The following WNT9B variants were observed in gnomAD, a reference collection of about 807,000 sequenced individuals.
The protein encoded by WNT9B is Wnt family member 9B.
In WNT9B, 12 loss-of-function variants were observed where a neutral mutation model predicts 30.2. That is an observed-to-expected ratio of 0.40 (90% CI 0.26 to 0.64). The LOEUF (loss-of-function observed/expected upper bound fraction) is 0.64, where lower values mean the gene tolerates loss of function less well. WNT9B is among the 30% of genes least tolerant of loss of function. WNT9B has a pLI of 0.42. For missense variants in WNT9B, 442 were observed against 485.2 expected (o/e 0.91, Z 0.84); for synonymous variants, 218 against 216.9 (o/e 1.01, Z -0.05).
At position 46,845,705 on chromosome 17, in the gene WNT9B, C is replaced by G. The variant is rs1397613402; in HGVS notation, c.95+12265C>G. On this transcript the variant is annotated intron_variant, in intron 1 of 2. Coordinates refer to the WNT9B transcript ENST00000575372. The stretch of plus-strand genomic sequence containing the variant: ...GGGTTTCACCATCTTGGCCAGGCTG[C>G]TCTCAAACTCCTGACCTTGTGATCC... Among the ~76,000 whole-genome samples, 6 of 151,002 alleles carry G rather than the reference C, an allele frequency of 4.0e-5. No individual in the cohort carries two copies. The East Asian group carries it at 1.2e-3, about 29-fold the overall frequency.
intron 1 of WNT9B, among the ~76,000 whole-genome samples, chr17:46,842,928 T>C (rs912725943): frequency 1.3e-5 from 2 of 152,236 alleles, no homozygotes; most frequent in African/African-American, 2.4e-5. Context: ...ATCCATTTTA[T>C]GGATGAAGAA....
upstream of WNT9B, among the ~76,000 whole-genome samples, chr17:46,849,796 C>A (rs1211614606): frequency 1.3e-5 from 2 of 152,000 alleles, no homozygotes; most frequent in Non-Finnish European, 2.9e-5. Flanking sequence ...GTCCTGCCTG[C>A]AGGTATAACG....
intron 1 of WNT9B, among the ~76,000 whole-genome samples, chr17:46,867,384 A>G (rs1038584983): frequency 1.3e-5 from 2 of 152,244 alleles, no homozygotes; most frequent in Non-Finnish European, 2.9e-5. Flanking sequence ...GGCTCCAGCC[A>G]TCCCCTCTCA....
chr17:46,865,541 G>T (rs1376903071), intron 1 of WNT9B, among the ~76,000 whole-genome samples: 2 of 152,172 alleles, frequency 1.3e-5, no homozygotes, highest in Non-Finnish European at 2.9e-5. Context: ...AGGAGTAGGG[G>T]TTGGGGAGCC....
At chr17:46,848,926 G>T (rs1333641159), upstream of WNT9B, among the ~76,000 whole-genome samples, 8 of 134,278 alleles carry the variant, frequency 6.0e-5, no homozygotes, top group Admixed American at 3.9e-4. Flanking sequence ...GCACATGTGT[G>T]CACGTGCACA....
At position 46,877,333 on chromosome 17, in the gene WNT9B, T is replaced by C. The variant is rs1011827907; in HGVS notation, c.*615T>C. Among the ~76,000 whole-genome samples, 2 of 152,182 alleles carry C rather than the reference T, an allele frequency of 1.3e-5. No individual in the cohort carries two copies. The highest frequency in any genetic ancestry group is 1.9e-4 in the East Asian group (1 of 5,192). On this transcript the variant is annotated 3_prime_UTR_variant, in exon 4 of 4. Transcript: ENST00000290015. ...GAAAGGAGAGCTTTCTGTGCTTGAG[T>C]GGACCCGAGTGAGATCTGTGCCCTG...
chr17:46,856,919 C>T (rs1414813671), intron 1 of WNT9B, among the ~76,000 whole-genome samples: 1 of 152,152 alleles, frequency 6.6e-6, no homozygotes, highest in Non-Finnish European at 1.5e-5. Flanking sequence ...TTGCAATCAA[C>T]CCTCTCCCAC....
chr17:46,841,363 G>C (rs756137401), intron 1 of WNT9B, among the ~76,000 whole-genome samples: 1 of 152,212 alleles, frequency 6.6e-6, no homozygotes, highest in Non-Finnish European at 1.5e-5. Context: ...AGACACTGCT[G>C]TGAGGCTTCC....
At chr17:46,865,272 C>T (rs546002890) in intron 1 of WNT9B, among the ~76,000 whole-genome samples, 1 of 152,328 alleles carries the variant, frequency 6.6e-6, no homozygotes. Flanking sequence ...TGCTCACTAC[C>T]CACTTAGCCC....
Position 46,876,618 on chromosome 17 carries a change from G to A in WNT9B, c.974G>A (p.Arg325His), listed in dbSNP as rs756619453. The A allele has an allele frequency of 3.4e-5, 54 of 1,610,930 alleles. 1 individual carries two copies. The highest frequency in any genetic ancestry group is 3.3e-4 in the Middle Eastern group (2 of 6,076). Residue 325 changes from arginine to histidine, a missense_variant, in exon 4 of 4, where the codon CGC becomes CAC. Transcript: ENST00000290015. ...GGGCGGGGCTATGACACCCAGAGCC[G>A]CCTGGTGGCCTTCTCCTGCCACTGC... ...CCGRGYDTQSRLVAFSCHCQV... is the reference protein window; with the variant it reads ...CCGRGYDTQSHLVAFSCHCQV...
intron 1 of WNT9B, among the ~76,000 whole-genome samples, chr17:46,855,494 G>T (rs531765320): frequency 6.6e-6 from 1 of 152,328 alleles, no homozygotes; most frequent in African/African-American, 2.4e-5. Flanking sequence ...TCCAAGGTCA[G>T]TAGCACCTGG....
At chr17:46,855,528 AACAGG>A (rs1373397952) in intron 1 of WNT9B, among the ~76,000 whole-genome samples, 1 of 152,150 alleles carries the variant, frequency 6.6e-6, no homozygotes, top group African/African-American at 2.4e-5. Context: ...CCCTAATGCT[AACAGG>A]GCTGGTCCTG....
At chr17:46,835,631 G>A (rs988398718) in intron 1 of WNT9B, among the ~76,000 whole-genome samples, 2 of 152,212 alleles carry the variant, frequency 1.3e-5, no homozygotes, top group African/African-American at 2.4e-5. Flanking sequence ...TCTCATCAGT[G>A]TAGTCATTCC....
intron 1 of WNT9B, among the ~76,000 whole-genome samples, chr17:46,841,863 C>G (rs1490515563): frequency 6.6e-6 from 1 of 152,244 alleles, no homozygotes; most frequent in African/African-American, 2.4e-5. Context: ...GTAGGCCGAC[C>G]CCGCAGGGCC....
At chr17:46,864,394 T>C (rs2085097703) in intron 1 of WNT9B, among the ~76,000 whole-genome samples, 1 of 152,162 alleles carries the variant, frequency 6.6e-6, no homozygotes, top group African/African-American at 2.4e-5. Context: ...CTTCCCTCTA[T>C]CTAGCCAAGT....
intron 1 of WNT9B, among the ~76,000 whole-genome samples, chr17:46,855,331 G>A (rs1171129985): frequency 6.6e-6 from 1 of 152,246 alleles, no homozygotes; most frequent in African/African-American, 2.4e-5. Flanking sequence ...GTCCTCAGTA[G>A]TGAGACGGGT....
At chr17:46,875,011 C>G (rs754349853) in intron 2 of WNT9B, 90 bp from the exon 3 acceptor site, 1 of 1,600,084 alleles carries the variant, frequency 6.2e-7, no homozygotes, top group Non-Finnish European at 8.6e-7. Context: ...CCGCCTCTGG[C>G]CCTCAGAGGG....
upstream of WNT9B, among the ~76,000 whole-genome samples, chr17:46,850,416 C>T (rs1780241873): frequency 1.3e-5 from 2 of 152,180 alleles, no homozygotes; most frequent in Non-Finnish European, 1.5e-5. Flanking sequence ...GTTAATGCCA[C>T]CTAACACGGT....
chr17:46,855,822 C>T (rs1055650572), intron 1 of WNT9B, among the ~76,000 whole-genome samples: 3 of 152,110 alleles, frequency 2.0e-5, no homozygotes, highest in Non-Finnish European at 4.4e-5. Flanking sequence ...CCTCAGCTTC[C>T]CCAGTAGCTG....
Sources: allele counts gnomAD v4.1 joint callset (sites outside exome capture counted in the v4.1 genomes callset), GRCh38; gene constraint gnomAD v4.1.1; transcripts MANE v1.5; gene names NCBI Gene and HGNC (gene_info 2026-07-23, HGNC 2026-07-21).